Variants in ATP13A4 observed in about 807,000 individuals in gnomAD.
ATP13A4 encodes the protein probable cation-transporting ATPase 13A4.
Under a neutral mutation model 142.5 loss-of-function variants are expected in ATP13A4, and 114 were observed. The observed-to-expected ratio is 0.80, with a 90% confidence interval of 0.69 to 0.93. The LOEUF (loss-of-function observed/expected upper bound fraction) is 0.93, where lower values mean the gene tolerates loss of function less well. Ranked by LOEUF, ATP13A4 falls within the 40% of genes least tolerant of loss-of-function variation. The probability of loss-of-function intolerance (pLI) is 0.00; values close to 1 mark genes in which losing one functional copy is unlikely to be tolerated. For missense variants in ATP13A4, 1,392 were observed against 1,454.0 expected (o/e 0.96, Z 0.69); for synonymous variants, 488 against 514.8 (o/e 0.95, Z 0.70).
chr3:193,525,527 G>C (rs1398595938), intron 1 of ATP13A4, among the ~76,000 whole-genome samples: 6 of 152,180 alleles, frequency 3.9e-5, no homozygotes, highest in Non-Finnish European at 7.3e-5. Context: ...GATCAGAGAT[G>C]ATCTGATCAT....
At chr3:193,473,485 A>T (rs966863447) in intron 8 of ATP13A4, among the ~76,000 whole-genome samples, 4 of 152,236 alleles carry the variant, frequency 2.6e-5, no homozygotes, top group Non-Finnish European at 5.9e-5. Context: ...ATCAATGTAT[A>T]CTAAAACTAG....
At chr3:193,578,873 C>T (rs536369341) in intron 2 of ATP13A4, 1 of 166,270 alleles carries the variant, frequency 6.0e-6, no homozygotes, top group East Asian at 1.6e-4. Flanking sequence ...TGGGTTGTAG[C>T]CAGTTTTCTT....
chr3:193,437,223 G>A lies in ATP13A4; in HGVS notation c.2672+1252C>T, dbSNP rs149418071. Among the ~76,000 whole-genome samples the A allele has an allele frequency of 7.2e-3, 1,013 of 140,368 alleles. 15 individuals carry two copies. Among genetic ancestry groups the A allele is most frequent in the African/African-American group, 0.025 (971 of 38,188 alleles). The allele number at this position is 140,368 out of a possible 152,430, so 92.1% of individuals were successfully genotyped here. A position where few individuals can be genotyped will look rare whatever the true frequency, so the allele number is the denominator to read the frequency against. ...CTTATTGCTTAGAGAGGTTCTCTAA[G>A]CAATAAGGAGAGGTTCTCCTTAGAG... is the stretch of plus-strand genomic sequence containing the variant. On this transcript the variant is annotated intron_variant, in intron 23 of 29. Coordinates refer to ENST00000342695, the MANE Select transcript of ATP13A4 (RefSeq NM_032279.4).
intron 5 of ATP13A4, 132 bp downstream of exon 5, chr3:193,492,785 T>A: frequency 1.4e-6 from 1 of 728,166 alleles, no homozygotes; most frequent in Non-Finnish European, 2.3e-6. Flanking sequence ...AAAGATTTAA[T>A]TTAATAATAC....
intron 2 of ATP13A4, among the ~76,000 whole-genome samples, chr3:193,563,057 A>G (rs1038916985): frequency 1.3e-5 from 2 of 152,156 alleles, no homozygotes; most frequent in Admixed American, 6.5e-5. Context: ...GATTGTATAC[A>G]TGCCCAGTCT....
chr3:193,501,417 G>A (rs113968700), intron 3 of ATP13A4, among the ~76,000 whole-genome samples: 12,377 of 151,874 alleles, frequency 0.081, 616 homozygotes, highest in East Asian at 0.15. Flanking sequence ...GTGAAATTCC[G>A]TCTCTACTGA....
chr3:193,549,567 C>T (rs573050780), intron 1 of ATP13A4, among the ~76,000 whole-genome samples: 2 of 152,204 alleles, frequency 1.3e-5, no homozygotes, highest in South Asian at 2.1e-4. Flanking sequence ...TGGATGCTCA[C>T]GCTTATAATT....
At chr3:193,427,971 A>G (rs1715758939) in intron 25 of ATP13A4, among the ~76,000 whole-genome samples, 1 of 152,248 alleles carries the variant, frequency 6.6e-6, no homozygotes, top group Admixed American at 6.5e-5. Flanking sequence ...GCTTCTACAC[A>G]GCAAAAGAAA....
chr3:193,500,837 T>G (rs1720502241), intron 3 of ATP13A4, among the ~76,000 whole-genome samples: 1 of 152,210 alleles, frequency 6.6e-6, no homozygotes, highest in Admixed American at 6.5e-5. Flanking sequence ...TCCTCTGACT[T>G]TAAGGAAAGT....
intron 24 of ATP13A4, among the ~76,000 whole-genome samples, chr3:193,434,157 T>C (rs1173102570): frequency 6.6e-6 from 1 of 152,100 alleles, no homozygotes; most frequent in Non-Finnish European, 1.5e-5. Context: ...GGTGGGATTG[T>C]TTGTGCATCC....
intron 29 of ATP13A4, among the ~76,000 whole-genome samples, chr3:193,406,370 C>A (rs1479465455): frequency 6.6e-6 from 1 of 152,166 alleles, no homozygotes. Context: ...TCTCACAGCT[C>A]ACCATGAACA....
At position 193,457,137 on chromosome 3, in the gene ATP13A4, A is replaced by G. The variant is rs1281736475; in HGVS notation, c.1778T>C (p.Ile593Thr). The change falls in exon 16 of 30, where the codon ATT becomes ACT. Residue 593 changes from isoleucine to threonine, a missense_variant. Physicochemically the swap from Ile to Thr is moderately conservative, Grantham distance 89 (BLOSUM62 -1). Transcript: ENST00000342695. ...RTASQVPVEG[I>T]AILHQFPFSS... ...GAATGGGAACTGATGCAGGATTGCA[A>G]TTCCTTCCACTGGGACCTGGTTGAG... 1.9e-6 allele frequency: 3 copies of G among 1,613,128 alleles called. No individual in the cohort carries two copies. The highest frequency in any genetic ancestry group is 2.5e-6 in the Non-Finnish European group (3 of 1,180,024).
intron 25 of ATP13A4, among the ~76,000 whole-genome samples, chr3:193,415,335 A>G (rs981692033): frequency 1.3e-5 from 2 of 152,212 alleles, no homozygotes; most frequent in Non-Finnish European, 2.9e-5. Flanking sequence ...AAGTTCCCAC[A>G]TCTCCACAGA....
intron 29 of ATP13A4, 78 bp from the exon 30 acceptor site, chr3:193,402,942 G>A: frequency 8.0e-7 from 1 of 1,248,932 alleles, no homozygotes; most frequent in Non-Finnish European, 1.1e-6. Context: ...GCCATCATAA[G>A]TCACTACTGC....
At chr3:193,575,510 G>A (rs1168604380) in intron 2 of ATP13A4, among the ~76,000 whole-genome samples, 1 of 152,190 alleles carries the variant, frequency 6.6e-6, no homozygotes, top group Non-Finnish European at 1.5e-5. Flanking sequence ...AATAAGGGAA[G>A]AGCAATGGAG....
At chr3:193,538,508 A>AAC (rs536115391) in intron 1 of ATP13A4, among the ~76,000 whole-genome samples, 4,123 of 151,712 alleles carry the variant, frequency 0.027, 61 homozygotes, top group East Asian at 0.033. Context: ...AAAAAAAAAA[A>AAC]AAAAAACCCT....
Position 193,442,465 on chromosome 3 carries a change from G to A in ATP13A4, c.2244C>T (p.Thr748=). Residue 748 remains threonine (T), a synonymous_variant, in exon 19 of 30, where the codon ACC becomes ACT. Transcript: ENST00000342695. ...QKVILIEANE[T]TGSSSASISW... ...ATATAGATGCTGATGAGGACCCGGT[G>A]GTTTCATTTGCCTCAATGAGAATGA... 1 of 1,613,940 alleles carries A rather than the reference G, an allele frequency of 6.2e-7. No individual in the cohort carries two copies. The highest frequency in any genetic ancestry group is 8.5e-7 in the Non-Finnish European group (1 of 1,179,848).
chr3:193,590,946 G>C (rs185353719), intron 1 of ATP13A4, among the ~76,000 whole-genome samples: 1 of 152,184 alleles, frequency 6.6e-6, no homozygotes, highest in Non-Finnish European at 1.5e-5. Flanking sequence ...TCCTGGTTCC[G>C]AGACATTTTT....
intron 1 of ATP13A4, among the ~76,000 whole-genome samples, chr3:193,588,493 A>G (rs894548851): frequency 2.0e-5 from 3 of 152,090 alleles, no homozygotes; most frequent in African/African-American, 7.2e-5. Flanking sequence ...TTAGCTTTTC[A>G]TTGTTTTAAA....
Sources: allele counts gnomAD v4.1 joint callset (sites outside exome capture counted in the v4.1 genomes callset), GRCh38; gene constraint gnomAD v4.1.1; transcripts MANE v1.5; gene names NCBI Gene and HGNC (gene_info 2026-07-23, HGNC 2026-07-21).